PELI2: variants seen among roughly 807,000 people sequenced by gnomAD.
The protein encoded by PELI2 is pellino E3 ubiquitin protein ligase family member 2, also known as E3 ubiquitin-protein ligase pellino homolog 2.
Under a neutral mutation model 42.3 loss-of-function variants are expected in PELI2, and 23 were observed. The observed-to-expected ratio is 0.54, with a 90% CI of 0.39 to 0.77. PELI2 has a LOEUF of 0.77. Ranked by LOEUF, PELI2 falls within the 30% of genes least tolerant of loss-of-function variation. PELI2 has a pLI of 0.00. For missense variants in PELI2, 463 were observed against 553.2 expected, an observed-to-expected ratio of 0.84 and a Z score of 1.64; for synonymous variants, 245 against 212.2, an observed-to-expected ratio of 1.15 and a Z score of -1.34.
intron 3 of PELI2, among the ~76,000 whole-genome samples, chr14:56,280,478 A>G (rs1387513467): frequency 6.6e-6 from 1 of 152,122 alleles, no homozygotes; most frequent in Non-Finnish European, 1.5e-5. Flanking sequence ...ACAAACAATT[A>G]AAATTTAGAC....
Position 56,233,868 on chromosome 14 carries a change from C to T in PELI2, c.208-45808C>T, listed in dbSNP as rs190581824. Among the ~76,000 whole-genome samples the T allele has an allele frequency of 6.3e-3, 960 of 152,274 alleles. 6 individuals are homozygous for T. The highest frequency in any genetic ancestry group is 0.013 in the Admixed American group (194 of 15,294). ...TGCAATCTACCCATCTGACAAAGGGCTAATATCCAGAATCTACAAAGAACT... is the reference window on the plus strand; with the variant it reads ...TGCAATCTACCCATCTGACAAAGGGTTAATATCCAGAATCTACAAAGAACT... On this transcript the variant is annotated intron_variant, in intron 2 of 5. Coordinates refer to ENST00000267460, the MANE Select transcript of PELI2 (RefSeq NM_021255.3).
chr14:56,223,149 G>T (rs1269445500), intron 2 of PELI2, among the ~76,000 whole-genome samples: 2 of 152,138 alleles, frequency 1.3e-5, no homozygotes, highest in Non-Finnish European at 1.5e-5. Context: ...AAGGAATAAA[G>T]AGGGCCCTGG....
At chr14:56,276,802 C>A (rs1174923427) in intron 2 of PELI2, among the ~76,000 whole-genome samples, 1 of 144,214 alleles carries the variant, frequency 6.9e-6, no homozygotes, top group African/African-American at 2.5e-5. Context: ...CCTTTCCTAA[C>A]CCTGGCCATT....
chr14:56,297,425 G>T lies in PELI2; in HGVS notation c.*259G>T. On this transcript the variant is annotated 3_prime_UTR_variant, in exon 6 of 6. Transcript: ENST00000267460. Reference sequence around the variant, plus strand: ...TCTTTGTAATAATTGGATTTAAAATGCTATGCTTCTATTTTTAACCTTGGG... The same window carrying T: ...TCTTTGTAATAATTGGATTTAAAATTCTATGCTTCTATTTTTAACCTTGGG... 2 of 363,240 alleles carry T rather than the reference G, an allele frequency of 5.5e-6. No individual in the cohort carries two copies. The highest frequency in any genetic ancestry group is 9.9e-6 in the Non-Finnish European group (2 of 202,366). The allele number at this position is 363,240 out of a possible 1,614,324, so 22.5% of individuals were successfully genotyped here. A position where few individuals can be genotyped will look rare whatever the true frequency, so the allele number is the denominator to read the frequency against.
intron 1 of PELI2, among the ~76,000 whole-genome samples, chr14:56,156,223 G>A (rs979234714): frequency 6.6e-6 from 1 of 152,074 alleles, no homozygotes; most frequent in Admixed American, 6.5e-5. Flanking sequence ...GTTTTTATAG[G>A]TGAATCATAC....
At chr14:56,229,915 G>A (rs1236809821) in intron 2 of PELI2, among the ~76,000 whole-genome samples, 2 of 152,194 alleles carry the variant, frequency 1.3e-5, no homozygotes, top group Non-Finnish European at 2.9e-5. Context: ...ATGACTTGAT[G>A]GAGCTGAAAA....
At chr14:56,267,521 T>C (rs912236265) in intron 2 of PELI2, among the ~76,000 whole-genome samples, 1 of 152,184 alleles carries the variant, frequency 6.6e-6, no homozygotes, top group African/African-American at 2.4e-5. Flanking sequence ...ACATTCATTA[T>C]TTTACTCAAA....
chr14:56,277,583 C>G (rs1003304175), intron 2 of PELI2, among the ~76,000 whole-genome samples: 4 of 151,896 alleles, frequency 2.6e-5, no homozygotes, highest in Non-Finnish European at 4.4e-5. Flanking sequence ...CAAACCATCC[C>G]CCTGATCCAG....
chr14:56,206,234 A>G (rs1886514159), intron 2 of PELI2, among the ~76,000 whole-genome samples: 2 of 152,218 alleles, frequency 1.3e-5, no homozygotes, highest in African/African-American at 4.8e-5. Context: ...TGATCAAAAG[A>G]GATGTGTTGT....
At chr14:56,206,426 C>G (rs1459290547) in intron 2 of PELI2, among the ~76,000 whole-genome samples, 1 of 152,180 alleles carries the variant, frequency 6.6e-6, no homozygotes, top group Non-Finnish European at 1.5e-5. Flanking sequence ...ACTTTGTAAA[C>G]GTTTTAAGAG....
intron 1 of PELI2, among the ~76,000 whole-genome samples, chr14:56,149,800 A>G (rs1441853709): frequency 6.6e-6 from 1 of 152,198 alleles, no homozygotes; most frequent in Non-Finnish European, 1.5e-5. Flanking sequence ...TAAAAGCTCA[A>G]GTATCTTTTA....
chr14:56,246,179 G>A (rs926255950), intron 2 of PELI2, among the ~76,000 whole-genome samples: 16 of 151,988 alleles, frequency 1.1e-4, no homozygotes, highest in Admixed American at 8.5e-4. Context: ...TTCTCTCATG[G>A]GGCAAACAGA....
chr14:56,148,234 C>G (rs1021240194), intron 1 of PELI2, among the ~76,000 whole-genome samples: 4 of 152,218 alleles, frequency 2.6e-5, no homozygotes, highest in Non-Finnish European at 4.4e-5. Context: ...CCAGGCTTGC[C>G]TGTAGCCTCC....
rs1394272450 is a variant in PELI2 at position 56,216,770 on chromosome 14, T to G, written c.207+38306T>G. On this transcript the variant is annotated intron_variant, in intron 2 of 5. Coordinates refer to ENST00000267460, the MANE Select transcript of PELI2 (RefSeq NM_021255.3). ...TTCATGTCATCAGGGCTCAGTGTTCTGGCTCCCCTGAAAAAGCTAATTCAG... is the reference window on the plus strand; with the variant it reads ...TTCATGTCATCAGGGCTCAGTGTTCGGGCTCCCCTGAAAAAGCTAATTCAG... Among the ~76,000 whole-genome samples the G allele has an allele frequency of 2.0e-5, 3 of 152,252 alleles. No homozygotes were observed. The East Asian group carries it at 5.8e-4, about 29-fold the overall frequency.
chr14:56,125,463 G>A (rs1883221391), intron 1 of PELI2, among the ~76,000 whole-genome samples: 1 of 152,096 alleles, frequency 6.6e-6, no homozygotes, highest in East Asian at 1.9e-4. Context: ...TAAGGTAGTG[G>A]GGGATCCTTT....
At chr14:56,132,527 C>T (rs1310109325) in intron 1 of PELI2, among the ~76,000 whole-genome samples, 2 of 152,126 alleles carry the variant, frequency 1.3e-5, no homozygotes, top group Non-Finnish European at 2.9e-5. Flanking sequence ...GTCACCCCCG[C>T]CCTGCTGCTT....
At position 56,122,260 on chromosome 14, in the gene PELI2, TA is replaced by T. The variant is rs371358451; in HGVS notation, c.77+3532del. ...CATGTATTCCAGCCTTAAAGTATAA[TA>T]AAAAAAAATTAGGACTGGAAGGGGG... is the stretch of plus-strand genomic sequence containing the variant. On this transcript the variant is annotated intron_variant, in intron 1 of 5. Coordinates refer to ENST00000267460, the MANE Select transcript of PELI2 (RefSeq NM_021255.3). Among the ~76,000 whole-genome samples the T allele has an allele frequency of 8.6e-3, 1,298 of 151,692 alleles. 18 individuals are homozygous for T. The highest frequency in any genetic ancestry group is 0.026 in the African/African-American group (1,090 of 41,324).
At chr14:56,206,888 G>A (rs1886536933) in intron 2 of PELI2, among the ~76,000 whole-genome samples, 1 of 152,142 alleles carries the variant, frequency 6.6e-6, no homozygotes, top group African/African-American at 2.4e-5. Context: ...TCCTCAGAGG[G>A]ATTTGCTGCA....
At chr14:56,140,624 A>G (rs935940278) in intron 1 of PELI2, among the ~76,000 whole-genome samples, 5 of 152,262 alleles carry the variant, frequency 3.3e-5, no homozygotes, top group Non-Finnish European at 5.9e-5. Context: ...CCTCTTTAAG[A>G]GGATGTTTGT....
Sources: gnomAD v4.1 joint callset for allele counts (sites outside exome capture counted in the v4.1 genomes callset) on GRCh38, gnomAD v4.1.1 for gene constraint, MANE v1.5 for transcripts, NCBI Gene and HGNC (gene_info 2026-07-23, HGNC 2026-07-21) for gene names.